Variants in HTR2C observed in about 807,000 individuals in gnomAD.
The protein encoded by HTR2C is 5-hydroxytryptamine receptor 2C.
Under a neutral mutation model 21.0 loss-of-function variants are expected in HTR2C, and 5 were observed. That is an observed-to-expected ratio of 0.24 (90% CI 0.12 to 0.50). HTR2C has a LOEUF of 0.50. Ranked by LOEUF, HTR2C falls within the 20% of genes least tolerant of loss-of-function variation. HTR2C has a pLI of 0.98. For missense variants in HTR2C, 271 were observed against 371.2 expected (o/e 0.73, Z 2.22); for synonymous variants, 150 against 145.3 (o/e 1.03, Z -0.23).
intron 4 of HTR2C, among the ~76,000 whole-genome samples, chrX:114,742,419 A>G (rs1250433391): frequency 9.0e-6 from 1 of 111,077 alleles, no homozygotes; most frequent in Non-Finnish European, 1.9e-5. Flanking sequence ...AGCGTAGCCA[A>G]GGTTATGAAA....
intron 4 of HTR2C, among the ~76,000 whole-genome samples, chrX:114,786,383 C>T (rs782605384): frequency 7.2e-5 from 8 of 111,839 alleles, no homozygotes; most frequent in Non-Finnish European, 1.3e-4. Flanking sequence ...TTATTTGTAG[C>T]AGTATTGCTA....
intron 4 of HTR2C, among the ~76,000 whole-genome samples, chrX:114,782,683 A>C (rs113429047): frequency 9.1e-6 from 1 of 110,196 alleles, no homozygotes; most frequent in African/African-American, 3.3e-5. Context: ...GCACCAACGC[A>C]CTCCAGCTTG....
At chrX:114,775,086 C>G (rs1266150742) in intron 4 of HTR2C, 7 of 501,082 alleles carry the variant, frequency 1.4e-5, no homozygotes, top group Non-Finnish European at 2.5e-5. Context: ...CACCATTAAT[C>G]TTACCTTGAA....
intron 4 of HTR2C, among the ~76,000 whole-genome samples, chrX:114,827,774 T>C (rs1602846461): frequency 9.0e-6 from 1 of 111,654 alleles, no homozygotes; most frequent in South Asian, 3.7e-4. Flanking sequence ...GAATTTTGAA[T>C]TGATAGCTCC....
intron 5 of HTR2C, among the ~76,000 whole-genome samples, chrX:114,868,844 A>AT (rs782502332): frequency 0.023 from 2,513 of 107,223 alleles, 30 homozygotes; most frequent in Non-Finnish European, 0.034. Context: ...CACTTTTTGT[A>AT]TTTTTTTTTT....
At position 114,705,317 on chromosome X, in the gene HTR2C, G is replaced by T. The variant is rs1932738881; in HGVS notation, c.-79-21541G>T. ...ACCTGACTTCAAACTATACTACAAG[G>T]CTACAGTAACCAAAACAACATGGTA... On this transcript the variant is annotated intron_variant, in intron 2 of 5. Transcript: ENST00000276198. Among the ~76,000 whole-genome samples, 13 of 111,391 alleles carry T rather than the reference G, an allele frequency of 1.2e-4. No homozygotes were observed. The South Asian group carries it at 4.9e-3, about 42-fold the overall frequency.
chrX:114,823,511 G>T (rs781791744), intron 4 of HTR2C: 3 of 347,555 alleles, frequency 8.6e-6, no homozygotes, highest in Non-Finnish European at 1.7e-5. Context: ...TCATATAAGA[G>T]GGGGCTGGCT....
intron 2 of HTR2C, among the ~76,000 whole-genome samples, chrX:114,632,772 G>C (rs1299924500): frequency 1.8e-5 from 2 of 110,423 alleles, no homozygotes; most frequent in Non-Finnish European, 3.8e-5. Context: ...CCAGAGACTG[G>C]CCTCCTTAGA....
intron 2 of HTR2C, among the ~76,000 whole-genome samples, chrX:114,652,484 A>C (rs782227990): frequency 9.1e-6 from 1 of 110,165 alleles, no homozygotes; most frequent in African/African-American, 3.3e-5. Context: ...TATAAATGGA[A>C]TAGAGGTGGG....
At chrX:114,827,981 T>C (rs910625312) in intron 4 of HTR2C, among the ~76,000 whole-genome samples, 10 of 110,716 alleles carry the variant, frequency 9.0e-5, no homozygotes, top group Admixed American at 4.8e-4. Context: ...AATCTGTAAA[T>C]TTTTTCCCCC....
At chrX:114,906,122 G>A (rs1466082260) in intron 5 of HTR2C, among the ~76,000 whole-genome samples, 2 of 111,960 alleles carry the variant, frequency 1.8e-5, no homozygotes. Context: ...TATTACAGGT[G>A]GTATTTGTCT....
rs781939535 is a variant in HTR2C, at chrX:114,621,652, C to T, written c.-80+7771C>T. On this transcript the variant is annotated intron_variant, in intron 2 of 5. Transcript: ENST00000276198. Reference sequence around the variant, plus strand: ...CTTTGTAGAAAGGATTACAGTTGAGCTAGGACTTGAAGAAGGAAGGCTTTT... The same window carrying T: ...CTTTGTAGAAAGGATTACAGTTGAGTTAGGACTTGAAGAAGGAAGGCTTTT... Among the ~76,000 whole-genome samples the T allele has an allele frequency of 1.3e-4, 14 of 110,879 alleles. No individual in the cohort carries two copies. In the South Asian group the frequency reaches 5.3e-3, roughly 42 times the overall value.
intron 4 of HTR2C, among the ~76,000 whole-genome samples, chrX:114,772,433 T>A (rs1443898707): frequency 1.9e-5 from 2 of 106,828 alleles, no homozygotes; most frequent in African/African-American, 6.9e-5. Context: ...ATTTTGCATT[T>A]GTTTTTTATG....
intron 4 of HTR2C, among the ~76,000 whole-genome samples, chrX:114,794,497 G>T (rs1245452858): frequency 4.9e-5 from 5 of 102,869 alleles, no homozygotes; most frequent in Admixed American, 1.1e-4. Flanking sequence ...TTTAGCATTA[G>T]GTATATCTCC....
chrX:114,584,783 A>C (rs1362955435), intron 1 of HTR2C, 124 bp downstream of exon 1: 1 of 106,844 alleles, frequency 9.4e-6, no homozygotes, highest in Non-Finnish European at 1.9e-5. Context: ...GCCCTAGCGG[A>C]GGTTGGGGGG....
intron 4 of HTR2C, among the ~76,000 whole-genome samples, chrX:114,735,114 G>T (rs2069578018): frequency 9.1e-6 from 1 of 110,308 alleles, no homozygotes; most frequent in African/African-American, 3.3e-5. Flanking sequence ...AGACCAGCCT[G>T]GCCAACCGGA....
chrX:114,731,723 A>G (rs2069539562), intron 4 of HTR2C, 116 bp downstream of exon 4: 1 of 540,373 alleles, frequency 1.9e-6, no homozygotes, highest in Non-Finnish European at 2.9e-6. Flanking sequence ...AAAAAAGCAA[A>G]TCGTGTGACA....
At chrX:114,904,292 G>T (rs997458838) in intron 5 of HTR2C, among the ~76,000 whole-genome samples, 13 of 111,554 alleles carry the variant, frequency 1.2e-4, no homozygotes, top group African/African-American at 3.9e-4. Flanking sequence ...TAAAGCCCAT[G>T]AACTCATCAT....
intron 4 of HTR2C, among the ~76,000 whole-genome samples, chrX:114,752,042 A>G (rs782632606): frequency 1.9e-4 from 21 of 112,361 alleles, no homozygotes; most frequent in Non-Finnish European, 3.8e-4. Flanking sequence ...GGGAGCAGAC[A>G]TATCAGATAT....
Sources: gnomAD v4.1 joint callset for allele counts (sites outside exome capture counted in the v4.1 genomes callset) on GRCh38, gnomAD v4.1.1 for gene constraint, MANE v1.5 for transcripts, NCBI Gene and HGNC (gene_info 2026-07-23, HGNC 2026-07-21) for gene names.